Variants in NFIX observed in about 807,000 individuals in gnomAD.
NFIX encodes nuclear factor 1 X-type.
Under a neutral mutation model 53.3 loss-of-function variants are expected in NFIX, and 2 were observed. The observed-to-expected ratio is 0.04, with a 90% CI of 0.02 to 0.12. The LOEUF is 0.12. Ranked by LOEUF, NFIX falls within the 10% of genes least tolerant of loss-of-function variation. The probability of loss-of-function intolerance (pLI) is 1.00; values close to 1 mark genes in which losing one functional copy is unlikely to be tolerated. For synonymous variants in NFIX, 244 were observed against 289.0 expected (o/e 0.84, Z 1.58); for missense variants, 310 against 674.5 (o/e 0.46, Z 5.99).
At chr19:13,076,671 G>A (rs1399096829) in intron 6 of NFIX, among the ~76,000 whole-genome samples, 5 of 152,240 alleles carry the variant, frequency 3.3e-5, no homozygotes, top group African/African-American at 1.2e-4. Context: ...AAAAGGTGAG[G>A]GTCTGACCTA....
At position 13,005,120 on chromosome 19, in the gene NFIX, A is replaced by G. The variant is rs1164805895; in HGVS notation, c.27+9256A>G. The stretch of plus-strand genomic sequence containing the variant: ...GCGTGAGCCACTGTGCCTGGCCAAC[A>G]AAGCTAAGTTCTGAGACTCCTGTCC... On this transcript the variant is annotated intron_variant, in intron 1 of 10. Coordinates refer to ENST00000592199, the MANE Select transcript of NFIX (RefSeq NM_001365902.3). The surrounding 1 kb of genome is among the most constrained non-coding windows in gnomAD (Gnocchi z 4.7). 6.6e-6 allele frequency among the ~76,000 whole-genome samples: 1 copy of G among 152,214 alleles called. No individual in the cohort carries two copies. The highest frequency in any genetic ancestry group is 1.5e-5 in the Non-Finnish European group (1 of 68,036).
In NFIX at chr19:13,097,596, C is replaced by G. The variant is rs1214011498; in HGVS notation, c.*2947C>G. The G allele has an allele frequency of 6.6e-6, 1 of 152,430 alleles. No individual in the cohort carries two copies. Among genetic ancestry groups the G allele is most frequent in the African/African-American group, 2.4e-5 (1 of 41,394 alleles). 9.4% of individuals were successfully genotyped at this position (152,430 alleles called of 1,614,324 possible). ...CGGCCGCGGGTCTCCCCGGGCGCCC[C>G]TCCCTGGGGCCCAGCACCCCTCCTC... On this transcript the variant is annotated 3_prime_UTR_variant, in exon 11 of 11. Coordinates refer to ENST00000592199, the MANE Select transcript of NFIX (RefSeq NM_001365902.3).
intron 8 of NFIX, among the ~76,000 whole-genome samples, chr19:13,086,709 T>G (rs2017799295): frequency 6.6e-6 from 1 of 152,190 alleles, no homozygotes; most frequent in Admixed American, 6.5e-5. Context: ...GAACTGATGC[T>G]TTCTGGGGTG....
chr19:13,078,650 C>G lies in NFIX; in HGVS notation c.993C>G (p.Phe331Leu). The G allele has an allele frequency of 1.9e-6, 3 of 1,600,716 alleles. No individual in the cohort carries two copies. Among genetic ancestry groups the G allele is most frequent in the Non-Finnish European group, 2.6e-6 (3 of 1,174,054 alleles). ...ASLKKSGKLD[F>L]CSALSSQGSS... ...TAAAGAAGTCAGGAAAGCTGGACTT[C>G]TGCAGTGCCCTCTCCTCTCAGGGCA... Residue 331 changes from phenylalanine to leucine, a missense_variant, in exon 7 of 11, where the codon TTC becomes TTG. Coordinates refer to ENST00000592199, the MANE Select transcript of NFIX (RefSeq NM_001365902.3). This position sits in a 1 kb window ranked among gnomAD's most constrained non-coding sequence, Gnocchi z 4.7.
chr19:13,001,469 C>T lies in NFIX; in HGVS notation c.27+5605C>T, dbSNP rs1599701360. Among the ~76,000 whole-genome samples the T allele has an allele frequency of 6.6e-6, 1 of 152,202 alleles. No homozygotes were observed. The highest frequency in any genetic ancestry group is 1.9e-4 in the East Asian group (1 of 5,176). On this transcript the variant is annotated intron_variant, in intron 1 of 10. Coordinates refer to ENST00000592199, the MANE Select transcript of NFIX (RefSeq NM_001365902.3). The surrounding 1 kb of genome is among the most constrained non-coding windows in gnomAD (Gnocchi z 6.5). ...CTCTGTGTCACGGTGGCGCTGCGCA[C>T]GTCAACGGGTATTGGTGTACCGGTC...
At chr19:13,041,108 A>G (rs1469196010) in intron 2 of NFIX, among the ~76,000 whole-genome samples, 1 of 152,132 alleles carries the variant, frequency 6.6e-6, no homozygotes, top group Admixed American at 6.5e-5. Flanking sequence ...ACATGAGGAC[A>G]TTTCCCTCCT....
At position 13,066,733 on chromosome 19, in the gene NFIX, GCATGTGTGTGTGTGTTTGTGCA is replaced by G. The variant is rs1233912940; in HGVS notation, c.560-6301_560-6280del. On this transcript the variant is annotated intron_variant, in intron 2 of 10. Transcript: ENST00000592199. The surrounding 1 kb of genome is among the most constrained non-coding windows in gnomAD (Gnocchi z 4.2). ...CAGGATGACTCCAGGATGTGTGTGT[GCATGTGTGTGTGTGTTTGTGCA>G]CATGTGTGTGTGCACATGCATGGTG... is the stretch of plus-strand genomic sequence containing the variant. 3.9e-5 allele frequency among the ~76,000 whole-genome samples: 6 copies of G among 152,150 alleles called. No individual in the cohort carries two copies. The highest frequency in any genetic ancestry group is 1.4e-4 in the African/African-American group (6 of 41,420).
rs926467269 is a variant in NFIX at position 13,021,226 on chromosome 19, G to A, written c.28-3795G>A. On this transcript the variant is annotated intron_variant, in intron 1 of 10. Transcript: ENST00000592199. This position sits in a 1 kb window ranked among gnomAD's most constrained non-coding sequence, Gnocchi z 4.2. ...GACTGAAGCTGGTTATTAACATGATGTGAATTATTGGACACCACCCTAAGA... is the reference window on the plus strand; with the variant it reads ...GACTGAAGCTGGTTATTAACATGATATGAATTATTGGACACCACCCTAAGA... Among the ~76,000 whole-genome samples, 1 of 152,108 alleles carries A rather than the reference G, an allele frequency of 6.6e-6. No individual in the cohort carries two copies. The highest frequency in any genetic ancestry group is 1.5e-5 in the Non-Finnish European group (1 of 68,020).
chr19:13,044,154 C>T (rs555633729), intron 2 of NFIX, among the ~76,000 whole-genome samples: 62 of 152,246 alleles, frequency 4.1e-4, no homozygotes, highest in African/African-American at 1.5e-3. Flanking sequence ...CTCAAGACTC[C>T]TGAGGCCCCA....
At position 13,081,076 on chromosome 19, in the gene NFIX, G is replaced by A. The variant is rs1165069674; in HGVS notation, c.1079-604G>A. 6.6e-6 allele frequency among the ~76,000 whole-genome samples: 1 copy of A among 151,940 alleles called. No individual in the cohort carries two copies. The highest frequency in any genetic ancestry group is 1.5e-5 in the Non-Finnish European group (1 of 67,994). On this transcript the variant is annotated intron_variant, in intron 7 of 10. Transcript: ENST00000592199. The surrounding 1 kb of genome is among the most constrained non-coding windows in gnomAD (Gnocchi z 4.7). ...GCACTTTGGGAGGCCAAGGCAGGCA[G>A]ATCACTTGAGCCCAGGAGTTTGAGA... is the stretch of plus-strand genomic sequence containing the variant.
At chr19:13,058,912 C>G (rs1458180285) in intron 2 of NFIX, among the ~76,000 whole-genome samples, 1 of 151,960 alleles carries the variant, frequency 6.6e-6, no homozygotes, top group Admixed American at 6.6e-5. Flanking sequence ...GGTTGAGAAC[C>G]CTGGTCTGGA....
Position 13,098,763 on chromosome 19 carries a change from T to C in NFIX, c.*4114T>C, listed in dbSNP as rs1202626209. On this transcript the variant is annotated 3_prime_UTR_variant, in exon 11 of 11. Coordinates refer to ENST00000592199, the MANE Select transcript of NFIX (RefSeq NM_001365902.3). ...TTCTCCATTGAATGGCTAATGTGTA[T>C]GTGAAATAAAGAAATAAAGAAAAAC... 6.2e-6 allele frequency: 1 copy of C among 160,710 alleles called. No homozygotes were observed. Among genetic ancestry groups the C allele is most frequent in the Admixed American group, 6.5e-5 (1 of 15,476 alleles). The allele number at this position is 160,710 out of a possible 1,614,324, so 10.0% of individuals were successfully genotyped here.
At chr19:13,076,895 C>A (rs537657563) in intron 6 of NFIX, among the ~76,000 whole-genome samples, 27 of 152,170 alleles carry the variant, frequency 1.8e-4, no homozygotes, top group African/African-American at 5.8e-4. Flanking sequence ...GGCTGGAGAC[C>A]CTCTAGATGG....
intron 6 of NFIX, among the ~76,000 whole-genome samples, chr19:13,076,954 G>GC (rs972277823): frequency 2.6e-5 from 4 of 152,130 alleles, no homozygotes; most frequent in African/African-American, 9.7e-5. Context: ...TGACTCTGGG[G>GC]CCCCTCCCAG....
At chr19:13,075,892 C>T (rs2017070895) in intron 6 of NFIX, among the ~76,000 whole-genome samples, 1 of 152,100 alleles carries the variant, frequency 6.6e-6, no homozygotes, top group African/African-American at 2.4e-5. Flanking sequence ...GCAGCAGAGC[C>T]CGTGGTATGG....
At position 13,072,502 on chromosome 19, in the gene NFIX, C is replaced by T. The variant is rs2016832258; in HGVS notation, c.560-545C>T. On this transcript the variant is annotated intron_variant, in intron 2 of 10. Coordinates refer to ENST00000592199, the MANE Select transcript of NFIX (RefSeq NM_001365902.3). The surrounding 1 kb of genome is among the most constrained non-coding windows in gnomAD (Gnocchi z 4.0). ...GGCAGACAGGAATGGCTTCAATTAA[C>T]CAAGTTAGGGAAGGGGATGCTCCTC... 2.0e-5 allele frequency among the ~76,000 whole-genome samples: 3 copies of T among 152,216 alleles called. No homozygotes were observed. Among genetic ancestry groups the T allele is most frequent in the Admixed American group, 2.0e-4 (3 of 15,292 alleles).
intron 10 of NFIX, among the ~76,000 whole-genome samples, chr19:13,092,464 G>C (rs939772236): frequency 6.6e-6 from 1 of 152,208 alleles, no homozygotes; most frequent in African/African-American, 2.4e-5. Flanking sequence ...CCCCCAGTCT[G>C]AGCATTGGCA....
At chr19:13,016,533 TG>T (rs2012676043) in intron 1 of NFIX, among the ~76,000 whole-genome samples, 1 of 149,402 alleles carries the variant, frequency 6.7e-6, no homozygotes, top group Non-Finnish European at 1.5e-5. Context: ...GCCCCCGCAT[TG>T]CCACCTCTTC....
chr19:13,006,421 A>T lies in NFIX; in HGVS notation c.27+10557A>T, dbSNP rs1022733720. Among the ~76,000 whole-genome samples the T allele has an allele frequency of 6.6e-6, 1 of 152,206 alleles. No homozygotes were observed. The highest frequency in any genetic ancestry group is 2.4e-5 in the African/African-American group (1 of 41,450). ...TCATCTATTATCCATATTTGTGGATATGCCATACGGTGCCCGCCCAAAATC... is the reference window on the plus strand; with the variant it reads ...TCATCTATTATCCATATTTGTGGATTTGCCATACGGTGCCCGCCCAAAATC... On this transcript the variant is annotated intron_variant, in intron 1 of 10. Coordinates refer to ENST00000592199, the MANE Select transcript of NFIX (RefSeq NM_001365902.3). This position sits in a 1 kb window ranked among gnomAD's most constrained non-coding sequence, Gnocchi z 5.6.
Sources: gnomAD v4.1 joint callset for allele counts (sites outside exome capture counted in the v4.1 genomes callset) on GRCh38, gnomAD v4.1.1 for gene constraint, Gnocchi (gnomAD v3.1) non-coding constraint, MANE v1.5 for transcripts, NCBI Gene and HGNC (gene_info 2026-07-23, HGNC 2026-07-21) for gene names.